Variants in NCOA7 observed in about 807,000 individuals in gnomAD.
NCOA7 encodes the protein 140 kDa estrogen receptor-associated protein.
A neutral mutation model predicts 104.3 loss-of-function variants in NCOA7; 45 were observed. That is an observed-to-expected ratio of 0.43 (90% CI 0.34 to 0.55). NCOA7 has a LOEUF of 0.55. Ranked by LOEUF, NCOA7 falls within the 20% of genes least tolerant of loss-of-function variation. The pLI is 0.02. For synonymous variants in NCOA7, 398 were observed against 402.3 expected, an observed-to-expected ratio of 0.99 and a Z score of 0.13; for missense variants, 1,041 against 1,119.7, an observed-to-expected ratio of 0.93 and a Z score of 1.00.
intron 3 of NCOA7, among the ~76,000 whole-genome samples, chr6:125,870,471 T>C (rs917713380): frequency 2.0e-5 from 3 of 152,230 alleles, no homozygotes; most frequent in African/African-American, 7.2e-5. Context: ...CTAATTGCTT[T>C]TCCCCCTTTA....
chr6:125,878,563 G>A (rs1570384), intron 5 of NCOA7, among the ~76,000 whole-genome samples, 193 bp downstream of exon 5: 36,524 of 151,806 alleles, frequency 0.24, 4,987 homozygotes, highest in African/African-American at 0.39. Flanking sequence ...AGGCTGGAGT[G>A]CAGTGACACC....
chr6:125,871,499 C>A (rs1203171711), intron 3 of NCOA7, among the ~76,000 whole-genome samples: 1 of 152,218 alleles, frequency 6.6e-6, no homozygotes, highest in African/African-American at 2.4e-5. Context: ...GAAACCTTGC[C>A]TTGAGCTATA....
At chr6:125,858,219 A>G (rs974693296) in intron 3 of NCOA7, among the ~76,000 whole-genome samples, 3 of 152,174 alleles carry the variant, frequency 2.0e-5, no homozygotes, top group African/African-American at 7.2e-5. Context: ...GTGCATTGAA[A>G]GGAATAGTTA....
intron 13 of NCOA7, among the ~76,000 whole-genome samples, chr6:125,927,225 C>G (rs1395001232): frequency 1.3e-5 from 2 of 152,166 alleles, no homozygotes; most frequent in Non-Finnish European, 2.9e-5. Flanking sequence ...AAATGCCCAG[C>G]CATGACTCCA....
At chr6:125,890,055 C>T (rs1163080895) in intron 9 of NCOA7, 74 bp downstream of exon 9, 5 of 1,059,312 alleles carry the variant, frequency 4.7e-6, no homozygotes, top group Non-Finnish European at 6.5e-6. Context: ...ATGTAATACC[C>T]ACATTAGTAC....
intron 12 of NCOA7, 131 bp from the exon 13 acceptor site, chr6:125,922,551 C>A: frequency 9.5e-7 from 1 of 1,049,242 alleles, no homozygotes; most frequent in Non-Finnish European, 1.4e-6. Flanking sequence ...CAAATATTTG[C>A]CAGAATAAGG....
intron 1 of NCOA7, among the ~76,000 whole-genome samples, chr6:125,811,479 T>G (rs535177910): frequency 6.6e-6 from 1 of 152,164 alleles, no homozygotes; most frequent in African/African-American, 2.4e-5. Context: ...ATAGGTGATA[T>G]ATGAAATAAG....
At chr6:125,915,201 A>G in intron 10 of NCOA7, 132 bp from the exon 11 acceptor site, 1 of 1,114,542 alleles carries the variant, frequency 9.0e-7, no homozygotes, top group Non-Finnish European at 1.3e-6. Flanking sequence ...TAACCTTGAT[A>G]ATGGGAAATT....
rs569617991 is a variant in NCOA7, at chr6:125,879,063, A to G, written c.459+693A>G. Among the ~76,000 whole-genome samples, 54 of 152,298 alleles carry G rather than the reference A, an allele frequency of 3.5e-4. 1 individual carries two copies. In the South Asian group the frequency reaches 0.011, roughly 30 times the overall value. On this transcript the variant is annotated intron_variant, in intron 5 of 15. Coordinates refer to ENST00000392477, the MANE Select transcript of NCOA7 (RefSeq NM_181782.5). The stretch of plus-strand genomic sequence containing the variant: ...TGCAAAAAAAATTTACTATTAGTGG[A>G]GAATTGCTTGGGAAAAACATCATCC...
In NCOA7 at chr6:125,915,412, G is replaced by A. The variant is rs1399152662; in HGVS notation, c.2176G>A (p.Val726Met). 1.2e-6 allele frequency: 2 copies of A among 1,613,832 alleles called. No homozygotes were observed. Among genetic ancestry groups the A allele is most frequent in the African/African-American group, 2.7e-5 (2 of 74,900 alleles). Residue 726 changes from valine (V) to methionine (M), a missense_variant, in exon 11 of 16, where the codon GTG (valine) becomes ATG (methionine). Physicochemically the swap from Val to Met is conservative, Grantham distance 21. This residue lies in a region of NCOA7 where 914 missense variants were observed against 942.7 expected (regional missense o/e 0.97). Coordinates refer to ENST00000392477, the MANE Select transcript of NCOA7 (RefSeq NM_181782.5). ...AGATGCCAAAGAGCAAGGCTTTGTG[G>A]TGGTGGAGAAGGAAGAACTGAACAT... ...GKDAKEQGFV[V>M]VEKEELNMID...
intron 10 of NCOA7, among the ~76,000 whole-genome samples, chr6:125,893,164 C>T (rs1481489729): frequency 6.6e-6 from 1 of 152,234 alleles, no homozygotes; most frequent in African/African-American, 2.4e-5. Context: ...CTGCAGCAAA[C>T]TGGATGTTTC....
intron 1 of NCOA7, among the ~76,000 whole-genome samples, chr6:125,794,301 TTCA>T (rs1401779376): frequency 6.6e-6 from 1 of 152,182 alleles, no homozygotes; most frequent in Non-Finnish European, 1.5e-5. Flanking sequence ...GTGTGTTCTT[TTCA>T]TCATGCAAAA....
chr6:125,900,991 A>C (rs1301184428), intron 10 of NCOA7, among the ~76,000 whole-genome samples: 4 of 152,202 alleles, frequency 2.6e-5, no homozygotes, highest in African/African-American at 9.7e-5. Context: ...CTCTGTGGTG[A>C]AAACTGCTTT....
At chr6:125,840,366 G>GA (rs139686607) in intron 2 of NCOA7, among the ~76,000 whole-genome samples, 1 of 151,788 alleles carries the variant, frequency 6.6e-6, no homozygotes, top group African/African-American at 2.4e-5. Flanking sequence ...TTGAATGAGG[G>GA]AAAAAATTAT....
intron 3 of NCOA7, among the ~76,000 whole-genome samples, chr6:125,857,791 G>A (rs1388473962): frequency 6.6e-6 from 1 of 151,976 alleles, no homozygotes; most frequent in African/African-American, 2.4e-5. Flanking sequence ...TCACCATGTT[G>A]GCCAGGCTGG....
chr6:125,800,455 C>T (rs1226062966), intron 1 of NCOA7, among the ~76,000 whole-genome samples: 1 of 152,170 alleles, frequency 6.6e-6, no homozygotes, highest in South Asian at 2.1e-4. Flanking sequence ...TGCTCAGATA[C>T]TTTTATTGAT....
At chr6:125,797,005 A>T (rs1775401309) in intron 1 of NCOA7, among the ~76,000 whole-genome samples, 1 of 152,148 alleles carries the variant, frequency 6.6e-6, no homozygotes, top group Non-Finnish European at 1.5e-5. Context: ...ACTAATTCTC[A>T]AACATTGTGT....
intron 11 of NCOA7, among the ~76,000 whole-genome samples, chr6:125,917,635 A>C (rs1787198175): frequency 6.6e-6 from 1 of 152,196 alleles, no homozygotes; most frequent in South Asian, 2.1e-4. Context: ...TTGAGGATGC[A>C]TCTGGTTAGG....
Position 125,931,959 on chromosome 6 carries a change from A to G in NCOA7, c.*3188A>G, listed in dbSNP as rs1421313253. On this transcript the variant is annotated 3_prime_UTR_variant, in exon 16 of 16. Transcript: ENST00000392477. ...CCTTGCTTCCCCTTTGCCTTCTGCC[A>G]TGATTGTAAATTTCCTGACGCCTAC... 4 of 152,292 alleles carry G rather than the reference A, an allele frequency of 2.6e-5. 1 individual carries two copies. The South Asian group carries it at 6.2e-4, about 24-fold the overall frequency. The allele number at this position is 152,292 out of a possible 1,614,324, so 9.4% of individuals were successfully genotyped here. A position where few individuals can be genotyped will look rare whatever the true frequency, so the allele number is the denominator to read the frequency against.
Sources: gnomAD v4.1 joint callset for allele counts (sites outside exome capture counted in the v4.1 genomes callset) on GRCh38, gnomAD v4.1.1 for gene constraint, gnomAD v4.1.1 regional missense constraint, MANE v1.5 for transcripts, NCBI Gene and HGNC (gene_info 2026-07-23, HGNC 2026-07-21) for gene names.